Variants in RC3H2 observed in about 807,000 individuals in gnomAD.
RC3H2 encodes the protein ring finger and CCCH-type domains 2, also known as roquin-2.
RC3H2 carries 31 observed loss-of-function variants against 133.3 expected under a neutral mutation model. The observed-to-expected ratio is 0.23, with a 90% confidence interval of 0.17 to 0.31. RC3H2 has a LOEUF of 0.31. Among genes scored for constraint, RC3H2 ranks in the 10% least tolerant of loss-of-function variants. The pLI is 1.00. For missense variants in RC3H2, 1,175 were observed against 1,437.2 expected, an observed-to-expected ratio of 0.82 and a Z score of 2.95; for synonymous variants, 517 against 502.2, an observed-to-expected ratio of 1.03 and a Z score of -0.40.
chr9:122,897,712 A>G, intron 1 of RC3H2, 136 bp from the exon 2 acceptor site: 1 of 609,858 alleles, frequency 1.6e-6, no homozygotes, highest in Non-Finnish European at 2.7e-6. Context: ...TGTCTTTTTT[A>G]AAAAACCTAT....
At chr9:122,893,100 A>G (rs933856125) in intron 2 of RC3H2, 74 bp from the exon 3 acceptor site, 3 of 1,531,874 alleles carry the variant, frequency 2.0e-6, no homozygotes, top group African/African-American at 2.8e-5. Context: ...TATGTACTTG[A>G]TAATAATCTT....
At chr9:122,888,811 C>T (rs1474011311) in intron 4 of RC3H2, among the ~76,000 whole-genome samples, 1 of 152,154 alleles carries the variant, frequency 6.6e-6, no homozygotes, top group Non-Finnish European at 1.5e-5. Context: ...TCTGTACCTT[C>T]TGTTGTCTCT....
intron 13 of RC3H2, among the ~76,000 whole-genome samples, chr9:122,856,357 A>T (rs1005339458): frequency 3.9e-5 from 6 of 152,148 alleles, no homozygotes; most frequent in Admixed American, 3.3e-4. Flanking sequence ...GGCTCAGGTG[A>T]TTTTCCCAGC....
chr9:122,855,506 A>G, intron 14 of RC3H2, 109 bp from the exon 15 acceptor site: 1 of 1,072,946 alleles, frequency 9.3e-7, no homozygotes, highest in Non-Finnish European at 1.4e-6. Flanking sequence ...ATTTAAAACT[A>G]GCTCTAGACT....
At position 122,855,841 on chromosome 9, in the gene RC3H2, T is replaced by A; in HGVS notation, c.2492A>T (p.Asp831Val). 1 of 1,613,422 alleles carries A rather than the reference T, an allele frequency of 6.2e-7. No homozygotes were observed. Among genetic ancestry groups the A allele is most frequent in the Non-Finnish European group, 8.5e-7 (1 of 1,179,588 alleles). Reference protein sequence around the residue: ...ESVSGTKFEEDHLSHYSPWSC... With the variant: ...ESVSGTKFEEVHLSHYSPWSC... ...CCAGGGAGAATAATGGGAAAGATGA[T>A]CTTCTTCAAATTTTGTACCACTCAC... The change falls in exon 14 of 21, where the codon GAT becomes GTT. Residue 831 changes from aspartate to valine, a missense_variant. Physicochemically the swap from Asp to Val is radical, Grantham distance 152 (BLOSUM62 -3). Transcript: ENST00000357244.
chr9:122,868,550 C>T (rs1015905587), intron 9 of RC3H2, among the ~76,000 whole-genome samples: 1 of 151,684 alleles, frequency 6.6e-6, no homozygotes, highest in African/African-American at 2.4e-5. Context: ...GCAGCATGCT[C>T]GTTAAGAGTC....
intron 8 of RC3H2, among the ~76,000 whole-genome samples, chr9:122,879,498 T>A (rs939658923): frequency 1.1e-4 from 17 of 152,086 alleles, no homozygotes; most frequent in Non-Finnish European, 2.9e-5. Context: ...GACAAAACGT[T>A]TGGAATCAAT....
intron 4 of RC3H2, among the ~76,000 whole-genome samples, chr9:122,885,189 T>C (rs979301625): frequency 1.3e-5 from 2 of 152,184 alleles, no homozygotes; most frequent in African/African-American, 2.4e-5. Flanking sequence ...TACTTTAGTT[T>C]TAAAGTATTA....
At chr9:122,873,705 A>G (rs1156614767) in intron 9 of RC3H2, 1 of 150,002 alleles carries the variant, frequency 6.7e-6, no homozygotes, top group Non-Finnish European at 1.5e-5. Flanking sequence ...CTGTCTCCAG[A>G]AAAAAAAAAG....
intron 10 of RC3H2, among the ~76,000 whole-genome samples, chr9:122,861,764 G>A (rs2131400435): frequency 6.6e-6 from 1 of 152,266 alleles, no homozygotes; most frequent in Middle Eastern, 3.4e-3. Flanking sequence ...TATATGGGCT[G>A]CCTTTAAGTT....
Position 122,854,533 on chromosome 9 carries a change from T to C in RC3H2, c.2898A>G (p.Glu966=), listed in dbSNP as rs1293899947. ...NEATSSAHYV[E]RDRFIVTDLS... is the part of the protein sequence containing the mutation. ...TATAGAATTAAGAAGAACGTTACCT[T>C]TCAACATAGTGTGCTGATGATGTGG... The change falls in exon 16 of 21, where the codon GAA becomes GAG. Residue 966 remains glutamate, a splice_region_variant and synonymous_variant. Coordinates refer to ENST00000357244, the MANE Select transcript of RC3H2 (RefSeq NM_001100588.3). 1.2e-6 allele frequency: 2 copies of C among 1,609,288 alleles called. No homozygotes were observed. The highest frequency in any genetic ancestry group is 1.7e-6 in the Non-Finnish European group (2 of 1,175,538).
chr9:122,882,123 T>C (rs553182808), intron 5 of RC3H2, among the ~76,000 whole-genome samples: 32 of 152,300 alleles, frequency 2.1e-4, no homozygotes, highest in Non-Finnish European at 2.4e-4. Context: ...AATGTTCTGC[T>C]ACCAGAGAAA....
At chr9:122,874,466 T>C (rs1183973866) in intron 9 of RC3H2, 1 of 152,020 alleles carries the variant, frequency 6.6e-6, no homozygotes, top group Non-Finnish European at 1.5e-5. Flanking sequence ...ATTTTGCCAT[T>C]ATTATTATTT....
At chr9:122,858,144 A>C in intron 12 of RC3H2, 51 bp from the exon 13 acceptor site, 4 of 1,526,046 alleles carry the variant, frequency 2.6e-6, no homozygotes, top group Admixed American at 3.7e-5. Flanking sequence ...GTGGTGAATA[A>C]ATTTAACTGT....
chr9:122,862,622 C>A (rs1408615065), intron 10 of RC3H2, among the ~76,000 whole-genome samples: 3 of 152,198 alleles, frequency 2.0e-5, no homozygotes, highest in Admixed American at 6.5e-5. Context: ...CAGCTGGGCA[C>A]AGTGGCTCAC....
rs150423020 is a variant in RC3H2 at position 122,875,042 on chromosome 9, A to C, written c.1325+2429T>G. The C allele has an allele frequency of 3.2e-4, 312 of 961,148 alleles. No individual in the cohort carries two copies. In the East Asian group the frequency reaches 9.0e-3, roughly 28 times the overall value. 59.5% of individuals were successfully genotyped at this position (961,148 alleles called of 1,614,324 possible). A position where few individuals can be genotyped will look rare whatever the true frequency, so the allele number is the denominator to read the frequency against. On this transcript the variant is annotated intron_variant, in intron 9 of 20. Transcript: ENST00000357244. ...TTTCTCAAAAGCTCCCCTTTTAGCT[A>C]AAAAGCTCTATTTCAGGTATGGACA... is the stretch of plus-strand genomic sequence containing the variant.
intron 9 of RC3H2, among the ~76,000 whole-genome samples, chr9:122,867,623 G>A (rs1268251819): frequency 1.7e-5 from 2 of 119,066 alleles, no homozygotes; most frequent in Non-Finnish European, 3.7e-5. Flanking sequence ...AGTGAGGAGC[G>A]TCTCTGCCCG....
rs1830601782 is a variant in RC3H2 at position 122,865,373 on chromosome 9, G to C, written c.1610C>G (p.Pro537Arg). 2.5e-6 allele frequency: 4 copies of C among 1,608,856 alleles called. No homozygotes were observed. Among genetic ancestry groups the C allele is most frequent in the Non-Finnish European group, 3.4e-6 (4 of 1,175,740 alleles). Reference protein sequence around the residue: ...VGANGQNAAGPSADSVTENKI... With the variant: ...VGANGQNAAGRSADSVTENKI... ...CTTTTCAGTTACAGAATCTGCAGAG[G>C]GCCCAGCAGCATTCTGACCATTAGC... is the stretch of plus-strand genomic sequence containing the variant. The change falls in exon 10 of 21, where the codon CCC (proline) becomes CGC (arginine). Residue 537 changes from proline (P) to arginine (R), a missense_variant. Physicochemically the swap from Pro to Arg is moderately radical, Grantham distance 103. Transcript: ENST00000357244.
chr9:122,892,445 C>T (rs1588109567), intron 3 of RC3H2, among the ~76,000 whole-genome samples: 1 of 151,890 alleles, frequency 6.6e-6, no homozygotes, highest in Non-Finnish European at 1.5e-5. Flanking sequence ...CAGTCTTGCT[C>T]TGTCGCCCCA....
Sources: allele counts gnomAD v4.1 joint callset (sites outside exome capture counted in the v4.1 genomes callset), GRCh38; gene constraint gnomAD v4.1.1; transcripts MANE v1.5; gene names NCBI Gene and HGNC (gene_info 2026-07-23, HGNC 2026-07-21).